The following CLASRP variants were observed in gnomAD, a reference collection of about 807,000 sequenced individuals.
The protein encoded by CLASRP is CLK4-associating serine/arginine rich protein.
Under a neutral mutation model 99.9 loss-of-function variants are expected in CLASRP, and 52 were observed. The ratio of observed to expected loss-of-function variants is 0.52; its 90% confidence interval spans 0.42 to 0.66. The LOEUF (loss-of-function observed/expected upper bound fraction) is 0.66. Among genes scored for constraint, CLASRP ranks in the 30% least tolerant of loss-of-function variants. The pLI is 0.00. For missense variants in CLASRP, 848 were observed against 999.2 expected (o/e 0.85, Z 2.04); for synonymous variants, 379 against 373.0 (o/e 1.02, Z -0.18).
Position 45,067,276 on chromosome 19 carries a change from T to G in CLASRP, c.1410-61T>G. 1 of 1,441,324 alleles carries G rather than the reference T, an allele frequency of 6.9e-7. No homozygotes were observed. Among genetic ancestry groups the G allele is most frequent in the Non-Finnish European group, 9.1e-7 (1 of 1,100,540 alleles). The allele number at this position is 1,441,324 out of a possible 1,614,324, so 89.3% of individuals were successfully genotyped here. A position where few individuals can be genotyped will look rare whatever the true frequency, so the allele number is the denominator to read the frequency against. On this transcript the variant is annotated intron_variant, in intron 13 of 20. Coordinates refer to ENST00000221455, the MANE Select transcript of CLASRP (RefSeq NM_007056.3). This position sits in a 1 kb window ranked among gnomAD's most constrained non-coding sequence, Gnocchi z 4.9. Reference sequence around the variant, plus strand: ...GAGGACTGTGGATCCGGACCCAGGGTGGGGTGCGGTTGGGGTCCCTGGAGC... The same window carrying G: ...GAGGACTGTGGATCCGGACCCAGGGGGGGGTGCGGTTGGGGTCCCTGGAGC...
rs1235401344 is a variant in CLASRP at position 45,063,874 on chromosome 19, C to G, written c.906-138C>G. 5.9e-6 allele frequency: 7 copies of G among 1,189,116 alleles called. No homozygotes were observed. In the African/African-American group the frequency reaches 6.2e-5, roughly 10 times the overall value. The allele number at this position is 1,189,116 out of a possible 1,614,324, so 73.7% of individuals were successfully genotyped here. ...TTGTCCAGAGCTGGGTCTCCACTGC[C>G]CTCCAGGCTCCATCCACCCGCCTGG... is the stretch of plus-strand genomic sequence containing the variant. On this transcript the variant is annotated intron_variant, in intron 11 of 20. Transcript: ENST00000221455.
Position 45,060,259 on chromosome 19 carries a change from TTGAA to T in CLASRP, c.711-125_711-122del. On this transcript the variant is annotated intron_variant, in intron 8 of 20. Coordinates refer to ENST00000221455, the MANE Select transcript of CLASRP (RefSeq NM_007056.3). The surrounding 1 kb of genome is among the most constrained non-coding windows in gnomAD (Gnocchi z 4.6). ...CACAGAGGGTGCTTGATAAGTGGCATTGAATGAAAGATACCTCAGGCTGGCGTGG... is the reference window on the plus strand; with the variant it reads ...CACAGAGGGTGCTTGATAAGTGGCATTGAAAGATACCTCAGGCTGGCGTGG... 1 of 739,932 alleles carries T rather than the reference TTGAA, an allele frequency of 1.4e-6. No individual in the cohort carries two copies. Among genetic ancestry groups the T allele is most frequent in the Non-Finnish European group, 2.4e-6 (1 of 418,956 alleles). 45.8% of individuals were successfully genotyped at this position (739,932 alleles called of 1,614,324 possible). A position where few individuals can be genotyped will look rare whatever the true frequency, so the allele number is the denominator to read the frequency against.
intron 2 of CLASRP, among the ~76,000 whole-genome samples, chr19:45,049,740 C>T (rs915682271): frequency 1.3e-5 from 2 of 152,118 alleles, no homozygotes; most frequent in African/African-American, 4.8e-5. Flanking sequence ...ATTGGGTGTT[C>T]TCAAGCGCCT....
chr19:45,058,575 G>A (rs566733333), intron 7 of CLASRP, among the ~76,000 whole-genome samples: 62 of 151,910 alleles, frequency 4.1e-4, no homozygotes, highest in African/African-American at 1.4e-3. Context: ...TAGTAGAGAC[G>A]GGGGTTTCAC....
intron 16 of CLASRP, 139 bp from the exon 17 acceptor site, chr19:45,068,927 C>A: frequency 1.3e-6 from 1 of 781,980 alleles, no homozygotes. Flanking sequence ...GGGGCGGAGC[C>A]TGCAGTGAGC....
chr19:45,063,821 G>A (rs1966998205), intron 11 of CLASRP, among the ~76,000 whole-genome samples, 191 bp from the exon 12 acceptor site: 1 of 152,110 alleles, frequency 6.6e-6, no homozygotes, highest in Non-Finnish European at 1.5e-5. Context: ...GTTATTTAGC[G>A]AAGGCTGCAT....
intron 5 of CLASRP, 39 bp from the exon 6 acceptor site, chr19:45,056,411 C>A (rs769234829): frequency 2.9e-5 from 46 of 1,592,790 alleles, no homozygotes; most frequent in Non-Finnish European, 4.0e-5. Flanking sequence ...TCCTAGTGTC[C>A]CCAACCCACT....
intron 11 of CLASRP, among the ~76,000 whole-genome samples, chr19:45,062,629 C>T (rs1966966882): frequency 6.6e-6 from 1 of 152,228 alleles, no homozygotes; most frequent in Non-Finnish European, 1.5e-5. Context: ...GATCCACCCA[C>T]CTCAGCCTCC....
At chr19:45,068,604 G>C in intron 16 of CLASRP, 124 bp downstream of exon 16, 1 of 751,394 alleles carries the variant, frequency 1.3e-6, no homozygotes, top group Non-Finnish European at 2.4e-6. Flanking sequence ...CAGGCACGGA[G>C]GTGCTCTGGG....
chr19:45,044,734 C>A (rs2044912585), intron 2 of CLASRP, among the ~76,000 whole-genome samples: 1 of 152,076 alleles, frequency 6.6e-6, no homozygotes, highest in African/African-American at 2.4e-5. Flanking sequence ...TGCACTGGAA[C>A]CTGGGTGACA....
At chr19:45,062,359 G>C (rs1306433829) in intron 11 of CLASRP, among the ~76,000 whole-genome samples, 164 bp downstream of exon 11, 1 of 152,142 alleles carries the variant, frequency 6.6e-6, no homozygotes, top group Non-Finnish European at 1.5e-5. Flanking sequence ...CCAGATCACT[G>C]TCTTGTTTTC....
rs1004247847 is a variant in CLASRP at position 45,057,796 on chromosome 19, A to G, written c.511A>G (p.Thr171Ala). The G allele has an allele frequency of 6.8e-6, 11 of 1,613,960 alleles. No homozygotes were observed. The highest frequency in any genetic ancestry group is 1.1e-5 in the South Asian group (1 of 91,092). Residue 171 changes from threonine (T) to alanine (A), a missense_variant, in exon 7 of 21, where the codon ACG becomes GCG. Thr to Ala is a moderately conservative substitution (Grantham distance 58). This residue lies in a region of CLASRP where 119 missense variants were observed against 170.2 expected (regional missense o/e 0.70). Transcript: ENST00000221455. ...CATCGGTTATACCTACGAGGACAGCACGGTGGCCGAGGTAGAGAAGGCGGC... is the reference window on the plus strand; with the variant it reads ...CATCGGTTATACCTACGAGGACAGCGCGGTGGCCGAGGTAGAGAAGGCGGC... ...ASIGYTYEDS[T>A]VAEVEKAAEK...
At chr19:45,065,422 G>A (rs950259806) in intron 13 of CLASRP, among the ~76,000 whole-genome samples, 10 of 151,682 alleles carry the variant, frequency 6.6e-5, no homozygotes, top group African/African-American at 2.2e-4. Context: ...TTAGCTGGGC[G>A]TGGTGGCACG....
chr19:45,062,681 A>C (rs373684322), intron 11 of CLASRP, among the ~76,000 whole-genome samples: 1 of 152,156 alleles, frequency 6.6e-6, no homozygotes, highest in South Asian at 2.1e-4. Flanking sequence ...ACGCCCGGCC[A>C]ATAAAATTTT....
chr19:45,069,694 T>C (rs1176786449), intron 18 of CLASRP: 3 of 436,976 alleles, frequency 6.9e-6, no homozygotes, highest in African/African-American at 4.0e-5. Flanking sequence ...CCAGTAGACG[T>C]AGCCATTGGG....
chr19:45,065,628 G>A (rs987332426), intron 13 of CLASRP, among the ~76,000 whole-genome samples: 12 of 151,308 alleles, frequency 7.9e-5, no homozygotes, highest in Non-Finnish European at 1.6e-4. Flanking sequence ...TCTAGGGATG[G>A]TTTAGAAAAT....
rs546559989 is a variant in CLASRP, at chr19:45,046,587, T to C, written c.100-5484T>C. Among the ~76,000 whole-genome samples the C allele has an allele frequency of 4.6e-5, 7 of 152,306 alleles. No individual in the cohort carries two copies. The South Asian group carries it at 1.4e-3, about 32-fold the overall frequency. On this transcript the variant is annotated intron_variant, in intron 2 of 20. Transcript: ENST00000221455. The stretch of plus-strand genomic sequence containing the variant: ...TGTCCCACACTGGACTGTGAGCCCA[T>C]GAGGGCAGGGCCAGGGCTATCTCAG...
intron 7 of CLASRP, 130 bp downstream of exon 7, chr19:45,058,028 C>A: frequency 8.6e-7 from 1 of 1,161,142 alleles, no homozygotes; most frequent in Non-Finnish European, 1.2e-6. Flanking sequence ...CCAGGGCACA[C>A]CAGCCTCCTG....
At chr19:45,068,090 C>T (rs774296156) in intron 15 of CLASRP, 36 bp downstream of exon 15, 10 of 1,607,106 alleles carry the variant, frequency 6.2e-6, no homozygotes, top group South Asian at 3.3e-5. Context: ...GTCTAATTCC[C>T]GTCAGCAGCA....
Sources: allele counts gnomAD v4.1 joint callset (sites outside exome capture counted in the v4.1 genomes callset), GRCh38; gene constraint gnomAD v4.1.1; regional missense constraint gnomAD v4.1.1; non-coding constraint Gnocchi (gnomAD v3.1); transcripts MANE v1.5; gene names NCBI Gene and HGNC (gene_info 2026-07-23, HGNC 2026-07-21).